EFCAB5: variants seen among roughly 807,000 people sequenced by gnomAD.
EFCAB5 encodes the protein EF-hand calcium binding domain 5.
Under a neutral mutation model 167.9 loss-of-function variants are expected in EFCAB5, and 131 were observed. The ratio of observed to expected loss-of-function variants is 0.78; its 90% CI spans 0.68 to 0.90. The LOEUF (loss-of-function observed/expected upper bound fraction) is 0.90, where lower values mean the gene tolerates loss of function less well. Ranked by LOEUF, EFCAB5 falls within the 40% of genes least tolerant of loss-of-function variation. The pLI is 0.00. For missense variants in EFCAB5, 1,663 were observed against 1,745.2 expected (o/e 0.95, Z 0.84); for synonymous variants, 574 against 602.8 (o/e 0.95, Z 0.70).
At chr17:30,040,281 C>T (rs2069735145) in intron 8 of EFCAB5, among the ~76,000 whole-genome samples, 1 of 152,224 alleles carries the variant, frequency 6.6e-6, no homozygotes, top group Non-Finnish European at 1.5e-5. Context: ...AATTTTACCT[C>T]GTTTCTCCAA....
intron 14 of EFCAB5, among the ~76,000 whole-genome samples, chr17:30,074,846 A>T (rs2070836846): frequency 6.6e-6 from 1 of 151,996 alleles, no homozygotes; most frequent in African/African-American, 2.4e-5. Context: ...CCCTGGAATT[A>T]TTCATCTCCC....
intron 16 of EFCAB5, among the ~76,000 whole-genome samples, chr17:30,080,456 C>T (rs1461891313): frequency 1.3e-5 from 2 of 152,068 alleles, no homozygotes; most frequent in Admixed American, 6.6e-5. Flanking sequence ...GGGGACTCTG[C>T]GTCACAATAT....
rs746156888 is a variant in EFCAB5 at position 30,053,469 on chromosome 17, G to A, written c.1515G>A (p.Pro505=). The A allele has an allele frequency of 2.8e-5, 45 of 1,613,704 alleles. No individual in the cohort carries two copies. The highest frequency in any genetic ancestry group is 6.7e-5 in the East Asian group (3 of 44,890). Residue 505 remains proline (P), a synonymous_variant, in exon 10 of 23, where the codon CCG becomes CCA. Transcript: ENST00000394835. The part of the protein sequence containing the change: ...EQRTSTPSPN[P]PEQQRGVTAE... ...GAACATCAACACCATCACCAAACCC[G>A]CCAGAACAGCAGAGAGGAGTAACTG...
intron 3 of EFCAB5, among the ~76,000 whole-genome samples, chr17:29,948,528 A>ATG (rs142175683): frequency 2.4e-4 from 37 of 151,416 alleles, no homozygotes; most frequent in African/African-American, 4.1e-4. Context: ...TCATTTGTGA[A>ATG]TGTGTGTGTG....
intron 7 of EFCAB5, among the ~76,000 whole-genome samples, chr17:30,028,930 T>C (rs563612244): frequency 1.4e-3 from 208 of 152,276 alleles, no homozygotes; most frequent in Non-Finnish European, 2.4e-3. Flanking sequence ...TTTAATTTAA[T>C]TACCTCTTTA....
chr17:29,940,450 C>T, upstream of EFCAB5, among the ~76,000 whole-genome samples: 1 of 152,060 alleles, frequency 6.6e-6, no homozygotes, highest in East Asian at 1.9e-4. Context: ...ATAGAAAGCA[C>T]CTAATAAAGT....
At chr17:30,042,522 A>G (rs1254736123) in intron 8 of EFCAB5, among the ~76,000 whole-genome samples, 3 of 152,200 alleles carry the variant, frequency 2.0e-5, no homozygotes, top group African/African-American at 7.2e-5. Context: ...CTTTATGCCA[A>G]TGAATTTGCA....
At chr17:30,004,787 A>ATTTTTTTTTTT (rs60231360) in intron 7 of EFCAB5, among the ~76,000 whole-genome samples, 147 of 115,060 alleles carry the variant, frequency 1.3e-3, no homozygotes, top group African/African-American at 2.9e-3. Flanking sequence ...CTCCTGGCTA[A>ATTTTTTTTTTT]TTTTTTTTTT....
intron 7 of EFCAB5, among the ~76,000 whole-genome samples, chr17:30,018,084 C>A (rs1208816548): frequency 6.6e-6 from 1 of 152,036 alleles, no homozygotes; most frequent in Non-Finnish European, 1.5e-5. Flanking sequence ...CTAAACCATA[C>A]CTTGAATGGT....
intron 6 of EFCAB5, among the ~76,000 whole-genome samples, chr17:29,998,295 A>G (rs2151648254): frequency 6.6e-6 from 1 of 152,330 alleles, no homozygotes; most frequent in East Asian, 1.9e-4. Flanking sequence ...GAGTGAGTTA[A>G]GAGAACTCAA....
chr17:30,054,507 T>C (rs1161153732), intron 10 of EFCAB5, among the ~76,000 whole-genome samples: 3 of 152,226 alleles, frequency 2.0e-5, no homozygotes, highest in Non-Finnish European at 4.4e-5. Flanking sequence ...ATTTCAACTG[T>C]AAATGGGTCT....
chr17:29,944,005 A>C (rs2067346590), intron 3 of EFCAB5, among the ~76,000 whole-genome samples: 1 of 152,294 alleles, frequency 6.6e-6, no homozygotes, highest in African/African-American at 2.4e-5. Context: ...ATCTAAAACT[A>C]TCATTAACAT....
At chr17:30,049,845 C>T (rs4132207) in intron 8 of EFCAB5, among the ~76,000 whole-genome samples, 12,846 of 152,196 alleles carry the variant, frequency 0.084, 1,181 homozygotes, top group African/African-American at 0.23. Flanking sequence ...ATTATGCAAT[C>T]CAGTAATTCC....
chr17:30,029,659 A>G (rs1163248771), intron 7 of EFCAB5, among the ~76,000 whole-genome samples: 3 of 152,138 alleles, frequency 2.0e-5, no homozygotes, highest in East Asian at 1.9e-4. Flanking sequence ...ATAGATAACA[A>G]ATATAACCTG....
chr17:30,050,574 T>C (rs1428472062), intron 8 of EFCAB5, among the ~76,000 whole-genome samples: 2 of 152,162 alleles, frequency 1.3e-5, no homozygotes, highest in Non-Finnish European at 2.9e-5. Flanking sequence ...GGACTACAGG[T>C]GTACACCACC....
intron 4 of EFCAB5, among the ~76,000 whole-genome samples, chr17:29,974,661 T>C (rs1483550436): frequency 6.6e-6 from 1 of 152,168 alleles, no homozygotes; most frequent in African/African-American, 2.4e-5. Flanking sequence ...TTTTTAACCA[T>C]GACTCAAGAT....
At chr17:30,009,498 TG>T in intron 7 of EFCAB5, among the ~76,000 whole-genome samples, 1 of 152,346 alleles carries the variant, frequency 6.6e-6, no homozygotes, top group African/African-American at 2.4e-5. Context: ...TGTGGTCTTT[TG>T]TTTTTGGCTT....
At chr17:30,106,747 G>A (rs2071454613) in intron 22 of EFCAB5, among the ~76,000 whole-genome samples, 1 of 152,118 alleles carries the variant, frequency 6.6e-6, no homozygotes, top group Non-Finnish European at 1.5e-5. Context: ...GTGAGTCACT[G>A]TGCCCAGCCG....
chr17:29,975,916 A>G (rs2068055834), intron 4 of EFCAB5, among the ~76,000 whole-genome samples: 1 of 152,202 alleles, frequency 6.6e-6, no homozygotes, highest in South Asian at 2.1e-4. Flanking sequence ...CTAAAGTTTC[A>G]AGACCAAATT....
Sources: gnomAD v4.1 joint callset for allele counts (sites outside exome capture counted in the v4.1 genomes callset) on GRCh38, gnomAD v4.1.1 for gene constraint, MANE v1.5 for transcripts, NCBI Gene and HGNC (gene_info 2026-07-23, HGNC 2026-07-21) for gene names.